TDRD6: variants seen among roughly 807,000 people sequenced by gnomAD.
TDRD6 encodes the protein tudor domain-containing protein 6.
A neutral mutation model predicts 157.5 loss-of-function variants in TDRD6; 186 were observed. That is an observed-to-expected ratio of 1.18 (90% CI 1.05 to 1.33). The LOEUF (loss-of-function observed/expected upper bound fraction) is 1.33. TDRD6 is among the 40% of genes most tolerant of loss of function. The probability of loss-of-function intolerance (pLI) is 0.00; values close to 1 mark genes in which losing one functional copy is unlikely to be tolerated. For synonymous variants in TDRD6, 1,075 were observed against 945.2 expected, an observed-to-expected ratio of 1.14 and a Z score of -2.52; for missense variants, 3,066 against 2,508.0, an observed-to-expected ratio of 1.22 and a Z score of -4.75.
upstream of TDRD6, among the ~76,000 whole-genome samples, chr6:46,684,365 T>TTGTTTGTG (rs1554175683): frequency 2.0e-5 from 3 of 146,988 alleles, no homozygotes; most frequent in South Asian, 6.5e-4. Context: ...AAGCACACAT[T>TTGTTTGTG]TGTGTGTGTG....
rs778014678 is a variant in TDRD6, at chr6:46,692,355, A to T, written c.4227A>T (p.Ala1409=). The change falls in exon 1 of 4, where the codon GCA becomes GCT. Residue 1409 remains alanine, a synonymous_variant. Transcript: ENST00000316081. ...TAGGTAGGCTTGACCTTGTTAATGCAATATTGCCGGGGTTGTGCATTCATT... is the reference window on the plus strand; with the variant it reads ...TAGGTAGGCTTGACCTTGTTAATGCTATATTGCCGGGGTTGTGCATTCATT... ...NKIGRLDLVN[A]ILPGLCIHCS... 6 of 1,614,086 alleles carry T rather than the reference A, an allele frequency of 3.7e-6. No homozygotes were observed. In the Admixed American group the frequency reaches 1.0e-4, roughly 27 times the overall value.
Position 46,689,507 on chromosome 6 carries a change from C to A in TDRD6, c.1379C>A (p.Ser460Tyr), listed in dbSNP as rs774649256. The A allele has an allele frequency of 6.2e-7, 1 of 1,614,000 alleles. No homozygotes were observed. The highest frequency in any genetic ancestry group is 2.2e-5 in the East Asian group (1 of 44,874). Residue 460 changes from serine (S) to tyrosine (Y), a missense_variant, in exon 1 of 4, where the codon TCT becomes TAT. Ser to Tyr is a moderately radical substitution (Grantham distance 144). Coordinates refer to ENST00000316081, the MANE Select transcript of TDRD6 (RefSeq NM_001010870.3). ...QATEEEEPET[S>Y]QSQSPAEEVD... Reference sequence around the variant, plus strand: ...ACAGAGGAGGAGGAACCAGAAACATCTCAGTCTCAGTCTCCTGCTGAAGAA... The same window carrying A: ...ACAGAGGAGGAGGAACCAGAAACATATCAGTCTCAGTCTCCTGCTGAAGAA...
At chr6:46,694,270 T>C in intron 1 of TDRD6, 96 bp downstream of exon 1, 1 of 887,426 alleles carries the variant, frequency 1.1e-6, no homozygotes, top group Middle Eastern at 3.6e-4. Context: ...TGGTGTGATC[T>C]TGGCTCACTG....
In TDRD6 at chr6:46,688,048, C is replaced by T. The variant is rs1229141197; in HGVS notation, c.-81C>T. Reference sequence around the variant, plus strand: ...TGAACCTAGTTTGGCTGGGACTCGCCTTCAGGCGGCGCGGAGGATTTCGAG... The same window carrying T: ...TGAACCTAGTTTGGCTGGGACTCGCTTTCAGGCGGCGCGGAGGATTTCGAG... On this transcript the variant is annotated 5_prime_UTR_variant, in exon 1 of 4. Transcript: ENST00000316081. 2 of 1,394,650 alleles carry T rather than the reference C, an allele frequency of 1.4e-6. No homozygotes were observed. Among genetic ancestry groups the T allele is most frequent in the Non-Finnish European group, 1.8e-6 (2 of 1,082,958 alleles). 86.4% of individuals were successfully genotyped at this position (1,394,650 alleles called of 1,614,324 possible).
Position 46,701,848 on chromosome 6 carries a change from T to G in TDRD6, c.6262-10T>G. The stretch of plus-strand genomic sequence containing the variant: ...TTTCTCAGTTTGAAGTTTTTCTCTT[T>G]TTGTTTCAGAAAAGGGGTTTGGAGG... On this transcript the variant is annotated splice_polypyrimidine_tract_variant and intron_variant, in intron 3 of 3. Transcript: ENST00000316081. 1 of 1,612,864 alleles carries G rather than the reference T, an allele frequency of 6.2e-7. No individual in the cohort carries two copies. The highest frequency in any genetic ancestry group is 8.5e-7 in the Non-Finnish European group (1 of 1,179,066).
At chr6:46,695,649 C>T (rs949301271) in intron 1 of TDRD6, among the ~76,000 whole-genome samples, 172 bp from the exon 2 acceptor site, 9 of 151,672 alleles carry the variant, frequency 5.9e-5, no homozygotes, top group Non-Finnish European at 8.8e-5. Context: ...TATGGGGGGG[C>T]GGGCACTGTA....
rs761250612 is a variant in TDRD6 at position 46,693,828 on chromosome 6, A to C, written c.5700A>C (p.Glu1900Asp). The C allele has an allele frequency of 2.4e-5, 39 of 1,614,082 alleles. No individual in the cohort carries two copies. The East Asian group carries it at 8.5e-4, about 35-fold the overall frequency. Residue 1900 changes from glutamate (E) to aspartate (D), a missense_variant, in exon 1 of 4, where the codon GAA becomes GAC. By Grantham distance (45) the Glu-to-Asp change is conservative. Coordinates refer to ENST00000316081, the MANE Select transcript of TDRD6 (RefSeq NM_001010870.3). The part of the protein sequence containing the change: ...LFTLQLPLSC[E>D]AEKQPELELP... ...CACTGCAGCTTCCTCTCAGCTGTGA[A>C]GCTGAGAAACAGCCAGAACTAGAAC...
In TDRD6 at chr6:46,691,193, T is replaced by A; in HGVS notation, c.3065T>A (p.Leu1022Ter). Residue 1022 changes from leucine to a stop codon, truncating the protein, a stop_gained, in exon 1 of 4, where the codon TTA (leucine) becomes TAA (stop). Coordinates refer to ENST00000316081, the MANE Select transcript of TDRD6 (RefSeq NM_001010870.3). LOFTEE classifies it high-confidence loss of function. ...LEQLSCSITQLSKVLLNLKTS... is the reference protein window; with the variant it reads ...LEQLSCSITQ ...CAGTTGTCATGTAGTATTACACAAT[T>A]AAGTAAAGTTTTGCTGAATTTAAAA... 1 of 1,612,868 alleles carries A rather than the reference T, an allele frequency of 6.2e-7. No individual in the cohort carries two copies. Among genetic ancestry groups the A allele is most frequent in the Non-Finnish European group, 8.5e-7 (1 of 1,179,532 alleles).
intron 1 of TDRD6, among the ~76,000 whole-genome samples, chr6:46,694,562 A>AT (rs1407837327): frequency 6.6e-6 from 1 of 152,184 alleles, no homozygotes; most frequent in Non-Finnish European, 1.5e-5. Flanking sequence ...CTAAAAAATA[A>AT]TTTTTTGTAA....
chr6:46,680,861 T>C, the TDRD6 span, among the ~76,000 whole-genome samples: 2 of 152,146 alleles, frequency 1.3e-5, no homozygotes, highest in East Asian at 1.9e-4. Flanking sequence ...CACCTATTCA[T>C]CTTTATTTGT....
At position 46,688,125 on chromosome 6, in the gene TDRD6, C is replaced by T. The variant is rs560627381; in HGVS notation, c.-4C>T. The T allele has an allele frequency of 2.5e-5, 38 of 1,525,512 alleles. No individual in the cohort carries two copies. In the South Asian group the frequency reaches 4.3e-4, roughly 17 times the overall value. The allele number at this position is 1,525,512 out of a possible 1,614,324, so 94.5% of individuals were successfully genotyped here. ...GGAAGTGGGGGCCGCGCCGCGCCGT[C>T]AAGATGTGCTCGACGCCCGGAATGC... On this transcript the variant is annotated 5_prime_UTR_variant, in exon 1 of 4. Coordinates refer to ENST00000316081, the MANE Select transcript of TDRD6 (RefSeq NM_001010870.3).
At chr6:46,687,222 C>T (rs1764118506), upstream of TDRD6, among the ~76,000 whole-genome samples, 1 of 152,054 alleles carries the variant, frequency 6.6e-6, no homozygotes, top group Non-Finnish European at 1.5e-5. Flanking sequence ...TTCCTCTTGG[C>T]CTCCTTTTAT....
chr6:46,695,313 T>C (rs1358680803), intron 1 of TDRD6, among the ~76,000 whole-genome samples: 1 of 152,190 alleles, frequency 6.6e-6, no homozygotes, highest in Admixed American at 6.5e-5. Context: ...TCCTGCATTT[T>C]AGTCCCTTAA....
In TDRD6 at chr6:46,688,555, TCAGGCGAGC is replaced by T; in HGVS notation, c.429_437del (p.Gly144_Pro146del). ...GGTGCCGGCAGGCTGCGGCGCGGGC[TCAGGCGAGC>T]CGCCGCAGCACTGGCCCGCCGACGC... On this transcript the variant is annotated inframe_deletion, in exon 1 of 4. Transcript: ENST00000316081. 1 of 1,584,506 alleles carries T rather than the reference TCAGGCGAGC, an allele frequency of 6.3e-7. No homozygotes were observed. Among genetic ancestry groups the T allele is most frequent in the Non-Finnish European group, 8.5e-7 (1 of 1,171,864 alleles).
At position 46,691,919 on chromosome 6, in the gene TDRD6, A is replaced by C; in HGVS notation, c.3791A>C (p.Glu1264Ala). 1 of 1,597,870 alleles carries C rather than the reference A, an allele frequency of 6.3e-7. No homozygotes were observed. Among genetic ancestry groups the C allele is most frequent in the Non-Finnish European group, 8.5e-7 (1 of 1,175,814 alleles). The change falls in exon 1 of 4, where the codon GAG (glutamate) becomes GCG (alanine). Residue 1264 changes from glutamate (E) to alanine (A), a missense_variant. Glu to Ala is a moderately radical substitution (Grantham distance 107). Coordinates refer to ENST00000316081, the MANE Select transcript of TDRD6 (RefSeq NM_001010870.3). ...GAAAAGAAAGAAGAAATTTCTGCTGAGACACCCTTGAAAACAGCAAGAGTA... is the reference window on the plus strand; with the variant it reads ...GAAAAGAAAGAAGAAATTTCTGCTGCGACACCCTTGAAAACAGCAAGAGTA... ...TTEKKEEISA[E>A]TPLKTARVEA...
chr6:46,689,638 A>T lies in TDRD6; in HGVS notation c.1510A>T (p.Ile504Phe). Residue 504 changes from isoleucine (I) to phenylalanine (F), a missense_variant, in exon 1 of 4, where the codon ATT (isoleucine) becomes TTT (phenylalanine). By Grantham distance (21) the Ile-to-Phe change is conservative. Transcript: ENST00000316081. Reference protein sequence around the residue: ...EFVKNPSEFWIRLRKHNVTFS... With the variant: ...EFVKNPSEFWFRLRKHNVTFS... Reference sequence around the variant, plus strand: ...TGTTAAAAATCCTTCTGAGTTTTGGATTAGGTTGAGGAAACACAATGTCAC... The same window carrying T: ...TGTTAAAAATCCTTCTGAGTTTTGGTTTAGGTTGAGGAAACACAATGTCAC... 1 of 1,614,182 alleles carries T rather than the reference A, an allele frequency of 6.2e-7. No individual in the cohort carries two copies. Among genetic ancestry groups the T allele is most frequent in the Middle Eastern group, 1.6e-4 (1 of 6,062 alleles).
chr6:46,685,990 C>T (rs889132778), upstream of TDRD6, among the ~76,000 whole-genome samples: 2 of 152,122 alleles, frequency 1.3e-5, no homozygotes, highest in African/African-American at 4.8e-5. Context: ...CTAATGCTAC[C>T]TGCTCCAGAT....
At position 46,693,820 on chromosome 6, in the gene TDRD6, A is replaced by T; in HGVS notation, c.5692A>T (p.Ser1898Cys). 1 of 1,614,214 alleles carries T rather than the reference A, an allele frequency of 6.2e-7. No individual in the cohort carries two copies. Among genetic ancestry groups the T allele is most frequent in the Non-Finnish European group, 8.5e-7 (1 of 1,180,038 alleles). Residue 1898 changes from serine (S) to cysteine (C), a missense_variant, in exon 1 of 4, where the codon AGC (serine) becomes TGC (cysteine). By Grantham distance (112) the Ser-to-Cys change is moderately radical. Transcript: ENST00000316081. ...MELFTLQLPL[S>C]CEAEKQPELE... ...GCTATTTACACTGCAGCTTCCTCTC[A>T]GCTGTGAAGCTGAGAAACAGCCAGA... is the stretch of plus-strand genomic sequence containing the variant.
chr6:46,680,734 T>C, the TDRD6 span, among the ~76,000 whole-genome samples: 2 of 152,204 alleles, frequency 1.3e-5, no homozygotes, highest in East Asian at 1.9e-4. Flanking sequence ...TGCATACCTG[T>C]ACCCTACCTC....
Sources: allele counts gnomAD v4.1 joint callset (sites outside exome capture counted in the v4.1 genomes callset), GRCh38; gene constraint gnomAD v4.1.1; transcripts MANE v1.5; gene names NCBI Gene and HGNC (gene_info 2026-07-23, HGNC 2026-07-21).